The following PPP2R5E variants were observed in gnomAD, a reference collection of about 807,000 sequenced individuals.
PPP2R5E encodes protein phosphatase 2 regulatory subunit B'epsilon.
A neutral mutation model predicts 65.3 loss-of-function variants in PPP2R5E; 4 were observed. That is an observed-to-expected ratio of 0.06 (90% CI 0.03 to 0.14). PPP2R5E has a LOEUF of 0.14. Among genes scored for constraint, PPP2R5E ranks in the 10% least tolerant of loss-of-function variants. The pLI, the probability that PPP2R5E is intolerant of heterozygous loss-of-function variation, is 1.00. For missense variants in PPP2R5E, 274 were observed against 556.1 expected (o/e 0.49, Z 5.10); for synonymous variants, 183 against 187.4 (o/e 0.98, Z 0.19).
chr14:63,493,620 A>T lies in PPP2R5E; in HGVS notation c.158-39735T>A, dbSNP rs1251587472. 2.6e-5 allele frequency among the ~76,000 whole-genome samples: 4 copies of T among 151,054 alleles called. 1 individual carries two copies. The highest frequency in any genetic ancestry group is 5.9e-5 in the Non-Finnish European group (4 of 67,980). ...AATAAAGGCTGCTTACACTGTATCC[A>T]GTGTGACAAACTGTACTCAAGCTGT... On this transcript the variant is annotated intron_variant, in intron 2 of 13. Coordinates refer to ENST00000337537, the MANE Select transcript of PPP2R5E (RefSeq NM_006246.5).
At chr14:63,417,512 T>C (rs1408730064) in intron 4 of PPP2R5E, among the ~76,000 whole-genome samples, 1 of 148,896 alleles carries the variant, frequency 6.7e-6, no homozygotes, top group Non-Finnish European at 1.5e-5. Context: ...AAAAGGCTAG[T>C]TTGGGTTACA....
intron 3 of PPP2R5E, among the ~76,000 whole-genome samples, chr14:63,446,135 A>C (rs1342087989): frequency 6.6e-6 from 1 of 152,216 alleles, no homozygotes; most frequent in Non-Finnish European, 1.5e-5. Context: ...TCATTTGTTG[A>C]AGTTTGATCA....
At chr14:63,399,759 A>T (rs1454059471) in intron 5 of PPP2R5E, among the ~76,000 whole-genome samples, 4 of 152,112 alleles carry the variant, frequency 2.6e-5, no homozygotes, top group African/African-American at 7.2e-5. Context: ...ATTCATCATC[A>T]TTGCAATAAA....
At chr14:63,526,338 C>T (rs370868978) in intron 2 of PPP2R5E, among the ~76,000 whole-genome samples, 1 of 152,138 alleles carries the variant, frequency 6.6e-6, no homozygotes, top group African/African-American at 2.4e-5. Flanking sequence ...AACTCTATAT[C>T]TTATTTTTCA....
intron 7 of PPP2R5E, among the ~76,000 whole-genome samples, chr14:63,394,870 T>C (rs182892220): frequency 5.6e-4 from 85 of 152,298 alleles, no homozygotes; most frequent in Admixed American, 5.4e-3. Context: ...TCCAATTTAT[T>C]ATAAACTTGC....
intron 1 of PPP2R5E, among the ~76,000 whole-genome samples, chr14:63,540,298 G>A (rs770532975): frequency 6.6e-6 from 1 of 151,688 alleles, no homozygotes. Flanking sequence ...AGGCGCAGTG[G>A]CATGCACCTG....
intron 3 of PPP2R5E, chr14:63,452,223 G>T (rs1270100095): frequency 1.3e-5 from 2 of 152,220 alleles, no homozygotes; most frequent in Non-Finnish European, 2.9e-5. Context: ...GTTGGCTGAT[G>T]ATACAGGTAG....
At chr14:63,538,466 G>T (rs1267151858) in intron 2 of PPP2R5E, among the ~76,000 whole-genome samples, 1 of 151,000 alleles carries the variant, frequency 6.6e-6, no homozygotes, top group African/African-American at 2.4e-5. Context: ...TGTTGGCCAG[G>T]CTGGTCTCAA....
rs573078119 is a variant in PPP2R5E at position 63,500,368 on chromosome 14, C to T, written c.157+39161G>A. Among the ~76,000 whole-genome samples, 8 of 152,300 alleles carry T rather than the reference C, an allele frequency of 5.3e-5. 1 individual carries two copies. The South Asian group carries it at 1.7e-3, about 32-fold the overall frequency. On this transcript the variant is annotated intron_variant, in intron 2 of 13. Transcript: ENST00000337537. ...TACACCAAGGTGCCAAATGAAGATG[C>T]ATACTTACAATGCCAAATGCTGCAG...
chr14:63,529,196 A>G (rs11847169), intron 2 of PPP2R5E, among the ~76,000 whole-genome samples: 3,478 of 152,166 alleles, frequency 0.023, 138 homozygotes, highest in African/African-American at 0.08. Flanking sequence ...ACCTGGCCTC[A>G]GGAGATCCTC....
intron 2 of PPP2R5E, among the ~76,000 whole-genome samples, chr14:63,511,344 T>G (rs530664821): frequency 3.3e-5 from 5 of 152,146 alleles, no homozygotes; most frequent in Non-Finnish European, 7.4e-5. Context: ...ACCTGCTGGA[T>G]GATGAGACTC....
At chr14:63,523,432 CAT>C in intron 2 of PPP2R5E, among the ~76,000 whole-genome samples, 1 of 152,136 alleles carries the variant, frequency 6.6e-6, no homozygotes, top group African/African-American at 2.4e-5. Flanking sequence ...CTCTCTGAAA[CAT>C]GTGCTGTGTC....
chr14:63,415,264 T>C, intron 4 of PPP2R5E, 32 bp from the exon 5 acceptor site: 2 of 1,492,370 alleles, frequency 1.3e-6, no homozygotes, highest in Non-Finnish European at 1.9e-6. Flanking sequence ...TAATTTCAAA[T>C]TATGACTCAC....
chr14:63,472,371 C>T (rs550523250), intron 2 of PPP2R5E, among the ~76,000 whole-genome samples: 17 of 152,310 alleles, frequency 1.1e-4, no homozygotes, highest in African/African-American at 3.6e-4. Flanking sequence ...AAAGTCTTCT[C>T]TAACCTTCCA....
chr14:63,401,809 C>T (rs1273829533), intron 5 of PPP2R5E, among the ~76,000 whole-genome samples: 1 of 152,054 alleles, frequency 6.6e-6, no homozygotes, highest in Non-Finnish European at 1.5e-5. Context: ...CTCCAGTCTG[C>T]TAAGTGTTTT....
At chr14:63,479,755 T>C (rs1890599134) in intron 2 of PPP2R5E, among the ~76,000 whole-genome samples, 2 of 152,114 alleles carry the variant, frequency 1.3e-5, no homozygotes. Flanking sequence ...GTTAGTGAAA[T>C]GAAACTGATG....
At chr14:63,541,307 T>G (rs1402425548) in intron 1 of PPP2R5E, among the ~76,000 whole-genome samples, 1 of 152,236 alleles carries the variant, frequency 6.6e-6, no homozygotes, top group Non-Finnish European at 1.5e-5. Flanking sequence ...AAAGTTGAAC[T>G]GAAAACATAA....
At chr14:63,378,705 G>A (rs971033299) in intron 13 of PPP2R5E, among the ~76,000 whole-genome samples, 1 of 152,160 alleles carries the variant, frequency 6.6e-6, no homozygotes, top group Non-Finnish European at 1.5e-5. Context: ...ACACTGTCAT[G>A]CAGGGGATAT....
intron 1 of PPP2R5E, among the ~76,000 whole-genome samples, chr14:63,542,411 T>G (rs1294304958): frequency 2.0e-5 from 3 of 151,948 alleles, no homozygotes; most frequent in African/African-American, 7.3e-5. Context: ...GATGCTTACA[T>G]ACTCCCTTTG....
Sources: gnomAD v4.1 joint callset for allele counts (sites outside exome capture counted in the v4.1 genomes callset) on GRCh38, gnomAD v4.1.1 for gene constraint, MANE v1.5 for transcripts, NCBI Gene and HGNC (gene_info 2026-07-23, HGNC 2026-07-21) for gene names.